Variants in NFKBIZ observed in about 807,000 individuals in gnomAD.
NFKBIZ encodes NF-kappa-B inhibitor zeta.
A neutral mutation model predicts 76.8 loss-of-function variants in NFKBIZ; 19 were observed. The observed-to-expected ratio is 0.25, with a 90% CI of 0.17 to 0.36. The LOEUF (loss-of-function observed/expected upper bound fraction) is 0.36, where lower values mean the gene tolerates loss of function less well. Ranked by LOEUF, NFKBIZ falls within the 10% of genes least tolerant of loss-of-function variation. NFKBIZ has a pLI of 1.00. For synonymous variants in NFKBIZ, 368 were observed against 354.8 expected (o/e 1.04, Z -0.42); for missense variants, 829 against 910.9 (o/e 0.91, Z 1.16).
Position 101,834,607 on chromosome 3 carries a change from C to T in NFKBIZ, c.-12+4919C>T, listed in dbSNP as rs184104063. On this transcript the variant is annotated intron_variant, in intron 2 of 12. Transcript: ENST00000394054. ...AACTCCTGACCTCAGGTGATCCACC[C>T]GCCTCAGCCTCCCAAAGTGCTGGGA... Among the ~76,000 whole-genome samples, 60 of 152,198 alleles carry T rather than the reference C, an allele frequency of 3.9e-4. No individual in the cohort carries two copies. In the East Asian group the frequency reaches 9.3e-3, roughly 24 times the overall value.
chr3:101,850,290 A>C (rs1942933193), intron 1 of NFKBIZ: 1 of 191,594 alleles, frequency 5.2e-6, no homozygotes. Flanking sequence ...CTTCTTGTGA[A>C]TATTTTAGTG....
At position 101,852,922 on chromosome 3, in the gene NFKBIZ, A is replaced by T; in HGVS notation, c.497A>T (p.Lys166Ile). 1 of 1,614,160 alleles carries T rather than the reference A, an allele frequency of 6.2e-7. No homozygotes were observed. Among genetic ancestry groups the T allele is most frequent in the Non-Finnish European group, 8.5e-7 (1 of 1,180,012 alleles). The change falls in exon 4 of 12, where the codon AAA becomes ATA. Residue 166 changes from lysine (K) to isoleucine (I), a missense_variant. By Grantham distance (102) the Lys-to-Ile change is moderately radical. Transcript: ENST00000326172. ...KNTVSYSGKR[K>I]GPDSLSDGPA... ...ACAGTATCATACAGTGGGAAAAGGAAAGGGCCCGATTCGTTGTCTGATGGA... is the reference window on the plus strand; with the variant it reads ...ACAGTATCATACAGTGGGAAAAGGATAGGGCCCGATTCGTTGTCTGATGGA...
At chr3:101,834,099 A>G (rs537891706) in intron 2 of NFKBIZ, among the ~76,000 whole-genome samples, 30 of 152,302 alleles carry the variant, frequency 2.0e-4, no homozygotes, top group Admixed American at 1.9e-3. Context: ...GACTGCCCCA[A>G]TCAGAGTGCA....
Position 101,842,692 on chromosome 3 carries a change from A to G in NFKBIZ, c.-11-9393A>G, listed in dbSNP as rs1942802401. 2.6e-5 allele frequency among the ~76,000 whole-genome samples: 4 copies of G among 151,456 alleles called. No homozygotes were observed. In the South Asian group the frequency reaches 8.3e-4, roughly 31 times the overall value. On this transcript the variant is annotated intron_variant, in intron 2 of 12. Transcript: ENST00000394054. ...TTCCAGTGTGGCCCAGGGAAGCCAA[A>G]AGATTGAACACCCCTGGTGTGGAGG... is the stretch of plus-strand genomic sequence containing the variant.
At chr3:101,853,913 G>C in intron 5 of NFKBIZ, 50 bp downstream of exon 5, 1 of 1,540,850 alleles carries the variant, frequency 6.5e-7, no homozygotes, top group Non-Finnish European at 8.9e-7. Context: ...CACACTTGTT[G>C]GACTAGTGAG....
chr3:101,845,752 G>A (rs116265807), upstream of NFKBIZ, among the ~76,000 whole-genome samples: 4,082 of 152,258 alleles, frequency 0.027, 127 homozygotes, highest in East Asian at 0.14. Flanking sequence ...GAAAGATAGC[G>A]TTCTCATATT....
At position 101,859,385 on chromosome 3, in the gene NFKBIZ, GA is replaced by G. The variant is rs762724988; in HGVS notation, c.*15del. ...CCACCGTATTAGCTCCATTAGCTTGGAGCCTGGCTAGCAACACTCACTGTCA... is the reference window on the plus strand; with the variant it reads ...CCACCGTATTAGCTCCATTAGCTTGGGCCTGGCTAGCAACACTCACTGTCA... On this transcript the variant is annotated 3_prime_UTR_variant, in exon 12 of 12. Coordinates refer to ENST00000326172, the MANE Select transcript of NFKBIZ (RefSeq NM_031419.4). 9 of 1,612,398 alleles carry G rather than the reference GA, an allele frequency of 5.6e-6. No individual in the cohort carries two copies. Among genetic ancestry groups the G allele is most frequent in the Non-Finnish European group, 7.6e-6 (9 of 1,178,664 alleles).
At chr3:101,843,088 C>G (rs953830349) in intron 2 of NFKBIZ, among the ~76,000 whole-genome samples, 4 of 126,694 alleles carry the variant, frequency 3.2e-5, no homozygotes, top group Non-Finnish European at 6.5e-5. Context: ...TTGCAAATTT[C>G]TTAACATCCG....
At chr3:101,855,984 C>A in intron 9 of NFKBIZ, 82 bp downstream of exon 9, 1 of 1,273,004 alleles carries the variant, frequency 7.9e-7, no homozygotes, top group Non-Finnish European at 1.1e-6. Flanking sequence ...AGTACAGATT[C>A]AAACTTCTTT....
intron 8 of NFKBIZ, 35 bp from the exon 9 acceptor site, chr3:101,855,698 T>C: frequency 6.4e-7 from 1 of 1,554,440 alleles, no homozygotes; most frequent in South Asian, 1.2e-5. Context: ...CCTGATGGGA[T>C]GCTTGACCAC....
chr3:101,857,582 T>C, intron 11 of NFKBIZ, 123 bp downstream of exon 11: 1 of 1,489,966 alleles, frequency 6.7e-7, no homozygotes, highest in Non-Finnish European at 8.9e-7. Context: ...TCAGTGTCTG[T>C]GTCTCACGGT....
At chr3:101,831,531 A>G in intron 2 of NFKBIZ, among the ~76,000 whole-genome samples, 1 of 152,086 alleles carries the variant, frequency 6.6e-6, no homozygotes, top group East Asian at 1.9e-4. Context: ...ACTGGTTTCC[A>G]GAGGGGGAAC....
rs756937236 is a variant in NFKBIZ at position 101,849,742 on chromosome 3, G to A, written c.114G>A (p.Ala38=). Residue 38 remains alanine (A), a synonymous_variant, in exon 1 of 12, where the codon GCG becomes GCA. Transcript: ENST00000326172. ...SPLNLSYFYG[A]SPPAAAPGAC... ...TCAACCTGAGCTACTTCTACGGCGCGTCGCCGCCCGCCGCCGCCCCGGGCG... is the reference window on the plus strand; with the variant it reads ...TCAACCTGAGCTACTTCTACGGCGCATCGCCGCCCGCCGCCGCCCCGGGCG... 1 of 1,447,960 alleles carries A rather than the reference G, an allele frequency of 6.9e-7. No individual in the cohort carries two copies. The highest frequency in any genetic ancestry group is 9.0e-7 in the Non-Finnish European group (1 of 1,105,352). The allele number at this position is 1,447,960 out of a possible 1,614,324, so 89.7% of individuals were successfully genotyped here. A position where few individuals can be genotyped will look rare whatever the true frequency, so the allele number is the denominator to read the frequency against.
At chr3:101,852,810 G>GT (rs760635581) in intron 3 of NFKBIZ, 42 bp downstream of exon 3, 11 of 1,605,052 alleles carry the variant, frequency 6.9e-6, no homozygotes, top group Non-Finnish European at 8.5e-6. Flanking sequence ...GGGCTTTGGA[G>GT]TAAATAATAG....
chr3:101,854,650 T>G lies in NFKBIZ; in HGVS notation c.1410T>G (p.Leu470=), dbSNP rs1355474924. ...SYVLARKMNA[L]HMLDIKEHNG... is the part of the protein sequence containing the mutation. ...TTCTTGCAAGAAAGATGAATGCACT[T>G]CACATGCTGGATATTAAAGAGCACA... Residue 470 remains leucine, a synonymous_variant, in exon 6 of 12, where the codon CTT becomes CTG. Coordinates refer to ENST00000326172, the MANE Select transcript of NFKBIZ (RefSeq NM_031419.4). 1 of 1,613,872 alleles carries G rather than the reference T, an allele frequency of 6.2e-7. No individual in the cohort carries two copies.
chr3:101,846,105 A>G (rs1942846365), upstream of NFKBIZ, among the ~76,000 whole-genome samples: 2 of 152,220 alleles, frequency 1.3e-5, no homozygotes, highest in Non-Finnish European at 2.9e-5. Flanking sequence ...TCGTAAGACT[A>G]TAGTCAAGAT....
At chr3:101,838,040 C>A (rs183966742) in intron 2 of NFKBIZ, among the ~76,000 whole-genome samples, 6 of 152,292 alleles carry the variant, frequency 3.9e-5, no homozygotes, top group Admixed American at 3.9e-4. Flanking sequence ...TGATTGCATA[C>A]GTGTGAAAGT....
At chr3:101,857,581 G>C (rs1576819820) in intron 11 of NFKBIZ, 122 bp downstream of exon 11, 4 of 1,488,960 alleles carry the variant, frequency 2.7e-6, no homozygotes, top group Middle Eastern at 2.5e-4. Context: ...ATCAGTGTCT[G>C]TGTCTCACGG....
intron 2 of NFKBIZ, among the ~76,000 whole-genome samples, chr3:101,832,443 TATCC>T (rs980463243): frequency 3.9e-5 from 6 of 152,288 alleles, no homozygotes; most frequent in African/African-American, 1.4e-4. Context: ...TGAAACTGCA[TATCC>T]ATTAAACAAT....
Sources: allele counts gnomAD v4.1 joint callset (sites outside exome capture counted in the v4.1 genomes callset), GRCh38; gene constraint gnomAD v4.1.1; transcripts MANE v1.5; gene names NCBI Gene and HGNC (gene_info 2026-07-23, HGNC 2026-07-21).